Variants in CACNA2D3 observed in about 807,000 individuals in gnomAD.
CACNA2D3 encodes the protein voltage-dependent calcium channel subunit alpha-2/delta-3.
Under a neutral mutation model 160.6 loss-of-function variants are expected in CACNA2D3, and 60 were observed. The ratio of observed to expected loss-of-function variants is 0.37; its 90% confidence interval spans 0.30 to 0.46. The LOEUF (loss-of-function observed/expected upper bound fraction) is 0.46, where lower values mean the gene tolerates loss of function less well. CACNA2D3 is among the 20% of genes least tolerant of loss of function. The pLI, the probability that CACNA2D3 is intolerant of heterozygous loss-of-function variation, is 1.00. For missense variants in CACNA2D3, 1,205 were observed against 1,365.0 expected (o/e 0.88, Z 1.85); for synonymous variants, 558 against 492.9 (o/e 1.13, Z -1.75).
Position 54,628,125 on chromosome 3 carries a change from G to A in CACNA2D3, c.1053+249G>A, listed in dbSNP as rs550699416. On this transcript the variant is annotated intron_variant, in intron 10 of 37. Coordinates refer to ENST00000474759, the MANE Select transcript of CACNA2D3 (RefSeq NM_018398.3). ...CGGGTGCCTGTAGTCCCAGCTACTC[G>A]GGAGGTGGAGGCAGGAGAATGGTGT... Among the ~76,000 whole-genome samples, 9 of 152,302 alleles carry A rather than the reference G, an allele frequency of 5.9e-5. No homozygotes were observed. The South Asian group carries it at 6.2e-4, about 11-fold the overall frequency.
intron 11 of CACNA2D3, among the ~76,000 whole-genome samples, chr3:54,701,462 A>C (rs947443308): frequency 6.6e-6 from 1 of 152,154 alleles, no homozygotes; most frequent in Non-Finnish European, 1.5e-5. Context: ...GAAAGATGTA[A>C]ATATGTGTTA....
rs1575448739 is a variant in CACNA2D3, at chr3:55,042,908, T to C, written c.2987+24591T>C. Among the ~76,000 whole-genome samples, 6 of 152,296 alleles carry C rather than the reference T, an allele frequency of 3.9e-5. No homozygotes were observed. In the East Asian group the frequency reaches 1.2e-3, roughly 29 times the overall value. On this transcript the variant is annotated intron_variant, in intron 35 of 37. Transcript: ENST00000474759. ...ATCATACAGAATATAGCCTTTAAAA[T>C]CTGACTTCTTATATCAGCATAATGC...
intron 13 of CACNA2D3, among the ~76,000 whole-genome samples, chr3:54,765,445 A>G (rs902876798): frequency 3.9e-5 from 6 of 152,338 alleles, no homozygotes; most frequent in African/African-American, 1.2e-4. Flanking sequence ...TAGGGAGACC[A>G]TGAGCTTTTA....
chr3:54,554,506 G>A (rs1031476551), intron 5 of CACNA2D3, among the ~76,000 whole-genome samples: 19 of 152,160 alleles, frequency 1.2e-4, no homozygotes, highest in African/African-American at 2.7e-4. Flanking sequence ...GAACTGCTGC[G>A]GGTGGGGAGT....
At chr3:54,811,196 T>C (rs1703301621) in intron 13 of CACNA2D3, among the ~76,000 whole-genome samples, 2 of 152,204 alleles carry the variant, frequency 1.3e-5, no homozygotes, top group South Asian at 4.1e-4. Context: ...CTTGAACTTT[T>C]CTTAATTTTG....
At chr3:54,126,798 A>G (rs1699602160) in intron 2 of CACNA2D3, among the ~76,000 whole-genome samples, 1 of 152,204 alleles carries the variant, frequency 6.6e-6, no homozygotes, top group Non-Finnish European at 1.5e-5. Context: ...GCTGGCAGAT[A>G]CTGCAGGGGT....
intron 13 of CACNA2D3, among the ~76,000 whole-genome samples, chr3:54,772,983 T>C (rs1702347237): frequency 6.6e-6 from 1 of 152,204 alleles, no homozygotes; most frequent in Non-Finnish European, 1.5e-5. Flanking sequence ...AGAAATGTTT[T>C]AGAAACAGTG....
Position 54,891,344 on chromosome 3 carries a change from T to C in CACNA2D3, c.2151-11T>C. On this transcript the variant is annotated splice_polypyrimidine_tract_variant and intron_variant, in intron 24 of 37. Transcript: ENST00000474759. The stretch of plus-strand genomic sequence containing the variant: ...AGAGGCCTCCCCCTGACGTCTGTTG[T>C]TCTGTTTCAGAAATTCTGACAAGGG... The C allele has an allele frequency of 6.2e-7, 1 of 1,608,828 alleles. No homozygotes were observed.
intron 31 of CACNA2D3, among the ~76,000 whole-genome samples, chr3:54,998,752 T>TGTTTTG (rs1702916714): frequency 6.7e-6 from 1 of 150,050 alleles, no homozygotes; most frequent in South Asian, 2.1e-4. Context: ...TGTTTTGTTT[T>TGTTTTG]GTTTTGTTTT....
At chr3:54,518,797 A>G (rs983918734) in intron 5 of CACNA2D3, among the ~76,000 whole-genome samples, 18 of 152,372 alleles carry the variant, frequency 1.2e-4, no homozygotes, top group African/African-American at 3.8e-4. Flanking sequence ...TTAATAAAAC[A>G]GGAAAGAAGA....
intron 11 of CACNA2D3, among the ~76,000 whole-genome samples, chr3:54,671,904 A>C (rs1348615413): frequency 6.6e-6 from 1 of 152,190 alleles, no homozygotes; most frequent in Non-Finnish European, 1.5e-5. Context: ...CATAATGAGA[A>C]AGTCAGTGAG....
At chr3:54,238,828 C>G (rs1303446945) in intron 2 of CACNA2D3, among the ~76,000 whole-genome samples, 1 of 152,214 alleles carries the variant, frequency 6.6e-6, no homozygotes, top group Non-Finnish European at 1.5e-5. Context: ...CATCAACTCT[C>G]TTTCCTCCTG....
At position 54,306,951 on chromosome 3, in the gene CACNA2D3, C is replaced by T. The variant is rs145130081; in HGVS notation, c.205-13491C>T. Among the ~76,000 whole-genome samples, 17 of 152,208 alleles carry T rather than the reference C, an allele frequency of 1.1e-4. No homozygotes were observed. In the East Asian group the frequency reaches 2.3e-3, roughly 21 times the overall value. On this transcript the variant is annotated intron_variant, in intron 2 of 37. Coordinates refer to ENST00000474759, the MANE Select transcript of CACNA2D3 (RefSeq NM_018398.3). ...TGGCTTCTCATCACAAACAGAAGAT[C>T]GGGTAGCTGCCGCATGCCCCCCGCC... is the stretch of plus-strand genomic sequence containing the variant.
At chr3:54,320,725 G>A (rs980865930) in intron 3 of CACNA2D3, among the ~76,000 whole-genome samples, 167 bp downstream of exon 3, 1 of 152,176 alleles carries the variant, frequency 6.6e-6, no homozygotes, top group Non-Finnish European at 1.5e-5. Flanking sequence ...GTCACTAGGG[G>A]CACAAACTGC....
chr3:55,041,507 C>A (rs1703959595), intron 35 of CACNA2D3, among the ~76,000 whole-genome samples: 1 of 152,036 alleles, frequency 6.6e-6, no homozygotes, highest in South Asian at 2.1e-4. Context: ...TTTCATTTAA[C>A]TTATTAGAAG....
intron 9 of CACNA2D3, chr3:54,626,113 CT>C (rs1699093672): frequency 1.6e-6 from 1 of 611,534 alleles, no homozygotes; most frequent in Non-Finnish European, 2.9e-6. Flanking sequence ...GTGGGGATGC[CT>C]TTGGGGAGAA....
intron 3 of CACNA2D3, among the ~76,000 whole-genome samples, chr3:54,361,615 C>CT (rs1359549331): frequency 6.6e-6 from 1 of 152,056 alleles, no homozygotes; most frequent in Non-Finnish European, 1.5e-5. Flanking sequence ...CTAAAGAAAG[C>CT]TTTAAATTTA....
intron 4 of CACNA2D3, among the ~76,000 whole-genome samples, chr3:54,415,469 A>G (rs1375351895): frequency 6.6e-6 from 1 of 152,170 alleles, no homozygotes; most frequent in East Asian, 1.9e-4. Flanking sequence ...GATTTTCATA[A>G]TATACATATC....
chr3:54,967,269 A>G (rs1343753433), intron 27 of CACNA2D3, among the ~76,000 whole-genome samples: 1 of 152,244 alleles, frequency 6.6e-6, no homozygotes, highest in Non-Finnish European at 1.5e-5. Flanking sequence ...TTATCAGGGT[A>G]ACAACAGCCC....
Sources: gnomAD v4.1 joint callset for allele counts (sites outside exome capture counted in the v4.1 genomes callset) on GRCh38, gnomAD v4.1.1 for gene constraint, MANE v1.5 for transcripts, NCBI Gene and HGNC (gene_info 2026-07-23, HGNC 2026-07-21) for gene names.